Variants in PLPPR5 observed in about 807,000 individuals in gnomAD.
PLPPR5 encodes phospholipid phosphatase-related protein type 5.
In PLPPR5, 16 loss-of-function variants were observed where a neutral mutation model predicts 33.9. The ratio of observed to expected loss-of-function variants is 0.47; its 90% CI spans 0.32 to 0.72. PLPPR5 has a LOEUF of 0.72. Among genes scored for constraint, PLPPR5 ranks in the 30% least tolerant of loss-of-function variants. The pLI is 0.03. For synonymous variants in PLPPR5, 163 were observed against 150.3 expected, an observed-to-expected ratio of 1.08 and a Z score of -0.62; for missense variants, 301 against 406.7, an observed-to-expected ratio of 0.74 and a Z score of 2.23.
intron 1 of PLPPR5, among the ~76,000 whole-genome samples, chr1:98,999,001 G>A (rs1370041093): frequency 6.6e-6 from 1 of 152,174 alleles, no homozygotes; most frequent in Non-Finnish European, 1.5e-5. Flanking sequence ...ACAAACAGAG[G>A]AGTCACCAAA....
intron 1 of PLPPR5, among the ~76,000 whole-genome samples, chr1:98,971,483 C>G (rs1213097618): frequency 2.0e-5 from 3 of 152,066 alleles, no homozygotes; most frequent in Non-Finnish European, 2.9e-5. Flanking sequence ...CTTCAAGATT[C>G]AGATTAGCAT....
rs963196594 is a variant in PLPPR5 at position 98,890,923 on chromosome 1, C to T, written c.*2149G>A. 13 of 152,214 alleles carry T rather than the reference C, an allele frequency of 8.5e-5. No homozygotes were observed. Among genetic ancestry groups the T allele is most frequent in the African/African-American group, 3.1e-4 (13 of 41,520 alleles). The allele number at this position is 152,214 out of a possible 1,614,324, so 9.4% of individuals were successfully genotyped here. On this transcript the variant is annotated 3_prime_UTR_variant, in exon 6 of 6. Coordinates refer to ENST00000263177, the MANE Select transcript of PLPPR5 (RefSeq NM_001037317.2). The stretch of plus-strand genomic sequence containing the variant: ...GGTTTAGCAAGGTGCAAAGAAGCAA[C>T]CTTGACATAAGAATATATGGCTAAG...
At chr1:98,912,249 A>T (rs113556365) in intron 5 of PLPPR5, among the ~76,000 whole-genome samples, 2,692 of 152,328 alleles carry the variant, frequency 0.018, 86 homozygotes, top group African/African-American at 0.061. Flanking sequence ...ACCATTTGGA[A>T]GTTCAGTTTT....
chr1:98,975,924 A>C (rs1651830472), intron 1 of PLPPR5, among the ~76,000 whole-genome samples: 1 of 151,886 alleles, frequency 6.6e-6, no homozygotes, highest in Non-Finnish European at 1.5e-5. Flanking sequence ...ATTGGATCCC[A>C]CGCCTAGCAA....
chr1:98,977,547 C>T (rs910809905), intron 1 of PLPPR5, among the ~76,000 whole-genome samples: 4 of 147,928 alleles, frequency 2.7e-5, no homozygotes, highest in Non-Finnish European at 6.0e-5. Context: ...TGCTATGATG[C>T]TTAGATAATA....
intron 5 of PLPPR5, among the ~76,000 whole-genome samples, chr1:98,909,078 A>C (rs1649017232): frequency 6.6e-6 from 1 of 151,982 alleles, no homozygotes. Flanking sequence ...GGAAGGAAGA[A>C]AGGAAAGAAG....
At chr1:98,931,470 G>A (rs1159661754) in intron 3 of PLPPR5, among the ~76,000 whole-genome samples, 1 of 152,176 alleles carries the variant, frequency 6.6e-6, no homozygotes, top group Non-Finnish European at 1.5e-5. Context: ...AGGTGATGAA[G>A]CTGGGATTCA....
chr1:98,950,220 G>A (rs1285957178), intron 3 of PLPPR5, among the ~76,000 whole-genome samples: 8 of 151,994 alleles, frequency 5.3e-5, no homozygotes, highest in Middle Eastern at 3.4e-3. Flanking sequence ...ATAATATCAC[G>A]TACTTTAAGA....
intron 1 of PLPPR5, among the ~76,000 whole-genome samples, chr1:98,957,291 C>G (rs1382734735): frequency 6.6e-6 from 1 of 151,540 alleles, no homozygotes; most frequent in Non-Finnish European, 1.5e-5. Flanking sequence ...ACATATGTAA[C>G]TAACCTGCAC....
chr1:99,005,548 G>A (rs1653059189), upstream of PLPPR5, among the ~76,000 whole-genome samples: 2 of 152,080 alleles, frequency 1.3e-5, no homozygotes, highest in East Asian at 1.9e-4. Context: ...CTTGTACAGC[G>A]GCCCCTTCCT....
intron 1 of PLPPR5, among the ~76,000 whole-genome samples, chr1:98,988,066 A>G (rs1652320436): frequency 6.6e-6 from 1 of 152,128 alleles, no homozygotes; most frequent in Non-Finnish European, 1.5e-5. Flanking sequence ...GTATAGAGTC[A>G]GAAATATTGG....
In PLPPR5 at chr1:98,947,116, C is replaced by A. The variant is rs914027466; in HGVS notation, c.621+5954G>T. Among the ~76,000 whole-genome samples the A allele has an allele frequency of 3.9e-5, 6 of 152,236 alleles. 1 individual carries two copies. Among genetic ancestry groups the A allele is most frequent in the African/African-American group, 1.4e-4 (6 of 41,552 alleles). On this transcript the variant is annotated intron_variant, in intron 3 of 5. Coordinates refer to ENST00000263177, the MANE Select transcript of PLPPR5 (RefSeq NM_001037317.2). ...CCGACGTTTGCTAACATAAGAAACC[C>A]CAGACACATAAATATAATTCTGACA...
chr1:98,906,074 T>G, intron 5 of PLPPR5, among the ~76,000 whole-genome samples: 1 of 151,926 alleles, frequency 6.6e-6, no homozygotes, highest in East Asian at 1.9e-4. Flanking sequence ...TAGTTTTCAC[T>G]AGGTAATGCT....
chr1:98,945,376 T>A (rs1015411454), intron 3 of PLPPR5, among the ~76,000 whole-genome samples: 2 of 152,214 alleles, frequency 1.3e-5, no homozygotes, highest in African/African-American at 4.8e-5. Flanking sequence ...TAATTCATAT[T>A]ATGCATCATT....
At chr1:99,003,659 A>C (rs12096524) in intron 1 of PLPPR5, among the ~76,000 whole-genome samples, 25,235 of 152,174 alleles carry the variant, frequency 0.17, 2,209 homozygotes, top group East Asian at 0.26. Flanking sequence ...TATACACGTG[A>C]GTGTATCTGT....
intron 5 of PLPPR5, among the ~76,000 whole-genome samples, chr1:98,897,987 T>A (rs2101132534): frequency 6.6e-6 from 1 of 152,258 alleles, no homozygotes; most frequent in Non-Finnish European, 1.5e-5. Context: ...AAATAATTTT[T>A]AAGTAATTGG....
At chr1:98,946,601 A>T (rs568116556) in intron 3 of PLPPR5, among the ~76,000 whole-genome samples, 2 of 152,158 alleles carry the variant, frequency 1.3e-5, no homozygotes, top group South Asian at 4.2e-4. Flanking sequence ...TCCATCTCCA[A>T]GACTCACCCC....
At chr1:98,945,649 A>C (rs1409944086) in intron 3 of PLPPR5, among the ~76,000 whole-genome samples, 1 of 152,250 alleles carries the variant, frequency 6.6e-6, no homozygotes, top group African/African-American at 2.4e-5. Context: ...AAATACAGCC[A>C]TACTTTCATT....
chr1:98,993,551 C>T (rs1652531876), intron 1 of PLPPR5, among the ~76,000 whole-genome samples: 1 of 152,012 alleles, frequency 6.6e-6, no homozygotes, highest in Admixed American at 6.6e-5. Flanking sequence ...TGTGAAGACA[C>T]ATGTGAAGGA....
Sources: allele counts gnomAD v4.1 joint callset (sites outside exome capture counted in the v4.1 genomes callset), GRCh38; gene constraint gnomAD v4.1.1; transcripts MANE v1.5; gene names NCBI Gene and HGNC (gene_info 2026-07-23, HGNC 2026-07-21).